Variants in MYBL2 observed in about 807,000 individuals in gnomAD.
MYBL2 encodes the protein myb-related protein B.
MYBL2 carries 28 observed loss-of-function variants against 79.9 expected under a neutral mutation model. The observed-to-expected ratio is 0.35, with a 90% CI of 0.26 to 0.48. The LOEUF is 0.48. MYBL2 is among the 20% of genes least tolerant of loss of function. MYBL2 has a pLI of 0.99. For missense variants in MYBL2, 735 were observed against 893.9 expected (o/e 0.82, Z 2.27); for synonymous variants, 378 against 361.2 (o/e 1.05, Z -0.53).
At chr20:43,701,894 AG>A (rs959275708) in intron 7 of MYBL2, among the ~76,000 whole-genome samples, 4 of 152,134 alleles carry the variant, frequency 2.6e-5, no homozygotes, top group African/African-American at 4.8e-5. Context: ...AGCCGGGTGC[AG>A]TGGCTCACAC....
At chr20:43,691,259 G>A (rs958157784) in intron 5 of MYBL2, among the ~76,000 whole-genome samples, 1 of 151,996 alleles carries the variant, frequency 6.6e-6, no homozygotes, top group African/African-American at 2.4e-5. Context: ...CAGGGAAGGG[G>A]GTGAGAGTTC....
intron 7 of MYBL2, among the ~76,000 whole-genome samples, chr20:43,701,451 A>AC (rs1987673659): frequency 6.6e-6 from 1 of 152,210 alleles, no homozygotes; most frequent in African/African-American, 2.4e-5. Flanking sequence ...CCCAAAGACC[A>AC]AAGTGGAAGC....
chr20:43,672,606 G>C (rs1001090552), intron 1 of MYBL2, among the ~76,000 whole-genome samples: 11 of 152,168 alleles, frequency 7.2e-5, no homozygotes, highest in African/African-American at 2.4e-4. Context: ...GCCAGGCATA[G>C]TGTCATATGC....
chr20:43,671,807 C>T (rs1238333720), intron 1 of MYBL2, among the ~76,000 whole-genome samples: 5 of 150,948 alleles, frequency 3.3e-5, no homozygotes, highest in Admixed American at 1.3e-4. Context: ...TGGATAAATA[C>T]GAGGATTTTT....
chr20:43,712,819 G>A lies in MYBL2; in HGVS notation c.1720-183G>A, dbSNP rs1005450385. 1.3e-5 allele frequency among the ~76,000 whole-genome samples: 2 copies of A among 152,250 alleles called. 1 individual carries two copies. ...TGGGTACAGAGTCTAATGGGGCCAT[G>A]GGGCCTAACTTTCCCAGCCACCCCA... On this transcript the variant is annotated intron_variant, in intron 11 of 13. Coordinates refer to ENST00000217026, the MANE Select transcript of MYBL2 (RefSeq NM_002466.4).
intron 1 of MYBL2, among the ~76,000 whole-genome samples, chr20:43,671,377 C>T (rs1272703844): frequency 6.6e-6 from 1 of 151,498 alleles, no homozygotes; most frequent in East Asian, 1.9e-4. Flanking sequence ...AGGCTGGTCT[C>T]GAACTCCTGA....
intron 12 of MYBL2, among the ~76,000 whole-genome samples, chr20:43,714,010 C>T (rs960011009): frequency 6.6e-6 from 1 of 152,152 alleles, no homozygotes; most frequent in Non-Finnish European, 1.5e-5. Flanking sequence ...GCAGAGAAAC[C>T]TTGTCCTGGC....
chr20:43,712,454 C>T (rs1225591386), intron 11 of MYBL2, among the ~76,000 whole-genome samples: 1 of 152,132 alleles, frequency 6.6e-6, no homozygotes, highest in Admixed American at 6.5e-5. Flanking sequence ...CCATGGCAGC[C>T]CCTGCTGAGT....
At chr20:43,667,810 C>T (rs893095782) in intron 1 of MYBL2, among the ~76,000 whole-genome samples, 11 of 152,136 alleles carry the variant, frequency 7.2e-5, no homozygotes, top group Non-Finnish European at 2.9e-5. Flanking sequence ...GTCCCCCAAG[C>T]CCTCTCCCCT....
At chr20:43,669,128 C>T (rs950572121) in intron 1 of MYBL2, among the ~76,000 whole-genome samples, 2 of 152,198 alleles carry the variant, frequency 1.3e-5, no homozygotes, top group East Asian at 1.9e-4. Context: ...CGTGAGCCAC[C>T]GCGTCTGGCG....
intron 2 of MYBL2, among the ~76,000 whole-genome samples, chr20:43,681,252 G>T (rs1406450591): frequency 6.6e-6 from 1 of 152,078 alleles, no homozygotes; most frequent in Middle Eastern, 3.2e-3. Context: ...CCTTATGTCC[G>T]CTCGGCTCCC....
In MYBL2 at chr20:43,702,087, A is replaced by G. The variant is rs934141820; in HGVS notation, c.952-403A>G. Among the ~76,000 whole-genome samples the G allele has an allele frequency of 1.4e-4, 22 of 152,284 alleles. No homozygotes were observed. The East Asian group carries it at 1.5e-3, about 11-fold the overall frequency. On this transcript the variant is annotated intron_variant, in intron 7 of 13. Transcript: ENST00000217026. ...GGTTGCAGTGAGCCGAGGTTGCACC[A>G]CTGCACTACAGCCTGGGCGACAGAG... is the stretch of plus-strand genomic sequence containing the variant.
chr20:43,681,896 C>G, intron 3 of MYBL2, 41 bp downstream of exon 3: 1 of 1,600,354 alleles, frequency 6.2e-7, no homozygotes, highest in African/African-American at 1.3e-5. Flanking sequence ...GGGGCAAGGG[C>G]TCTGGGAGAA....
intron 13 of MYBL2, 111 bp downstream of exon 13, chr20:43,715,394 C>A: frequency 6.5e-7 from 1 of 1,528,822 alleles, no homozygotes; most frequent in Non-Finnish European, 8.8e-7. Context: ...TAGCTCAGGG[C>A]CTTTGCATAG....
At chr20:43,678,571 G>A (rs1987071046) in intron 2 of MYBL2, among the ~76,000 whole-genome samples, 1 of 151,984 alleles carries the variant, frequency 6.6e-6, no homozygotes, top group South Asian at 2.1e-4. Flanking sequence ...TAAGAGAGAT[G>A]GGTGGCCTGG....
chr20:43,685,538 G>T (rs1987252296), intron 4 of MYBL2, among the ~76,000 whole-genome samples: 1 of 151,896 alleles, frequency 6.6e-6, no homozygotes. Context: ...TTTTTTGGCT[G>T]GGTGTGGCCA....
rs777210251 is a variant in MYBL2 at position 43,702,788 on chromosome 20, G to T, written c.1250G>T (p.Arg417Leu). The change falls in exon 8 of 14, where the codon CGT (arginine) becomes CTT (leucine). Residue 417 changes from arginine (R) to leucine (L), a missense_variant. By Grantham distance (102) the Arg-to-Leu change is moderately radical. Transcript: ENST00000217026. ...GTGCTCAAGCGGCAGAGGAAGAGGC[G>T]TGTGGCTCTGTCCCCTGTCACTGAG... ...PSVLKRQRKRRVALSPVTENS... is the reference protein window; with the variant it reads ...PSVLKRQRKRLVALSPVTENS... 1 of 1,614,096 alleles carries T rather than the reference G, an allele frequency of 6.2e-7. No individual in the cohort carries two copies. Among genetic ancestry groups the T allele is most frequent in the Non-Finnish European group, 8.5e-7 (1 of 1,180,046 alleles).
chr20:43,702,340 C>T (rs1987691043), intron 7 of MYBL2, 150 bp from the exon 8 acceptor site: 2 of 854,572 alleles, frequency 2.3e-6, no homozygotes, highest in South Asian at 1.9e-5. Flanking sequence ...GATGTATAGT[C>T]ATAGAAAACT....
At chr20:43,693,978 G>A (rs1272816466) in intron 6 of MYBL2, among the ~76,000 whole-genome samples, 5 of 152,112 alleles carry the variant, frequency 3.3e-5, no homozygotes, top group Non-Finnish European at 7.3e-5. Flanking sequence ...AGCCTGGGAG[G>A]TGGAAGTTGC....
Sources: gnomAD v4.1 joint callset for allele counts (sites outside exome capture counted in the v4.1 genomes callset) on GRCh38, gnomAD v4.1.1 for gene constraint, MANE v1.5 for transcripts, NCBI Gene and HGNC (gene_info 2026-07-23, HGNC 2026-07-21) for gene names.